Variants in TRPM3 observed in about 807,000 individuals in gnomAD.
TRPM3 encodes long transient receptor potential channel 3.
Under a neutral mutation model 181.2 loss-of-function variants are expected in TRPM3, and 77 were observed. The ratio of observed to expected loss-of-function variants is 0.42; its 90% confidence interval spans 0.35 to 0.51. The LOEUF (loss-of-function observed/expected upper bound fraction) is 0.51, where lower values mean the gene tolerates loss of function less well. Among genes scored for constraint, TRPM3 ranks in the 20% least tolerant of loss-of-function variants. The pLI, the probability that TRPM3 is intolerant of heterozygous loss-of-function variation, is 0.01. For synonymous variants in TRPM3, 745 were observed against 796.4 expected (o/e 0.94, Z 1.09); for missense variants, 1,759 against 2,196.7 (o/e 0.80, Z 3.98).
At chr9:71,166,797 T>C (rs1258673727) in intron 1 of TRPM3, among the ~76,000 whole-genome samples, 2 of 152,180 alleles carry the variant, frequency 1.3e-5, no homozygotes, top group African/African-American at 4.8e-5. Context: ...TACGTAAAAG[T>C]AAATTTAGCT....
chr9:71,043,235 C>T (rs768193482), intron 1 of TRPM3, among the ~76,000 whole-genome samples: 8 of 152,144 alleles, frequency 5.3e-5, no homozygotes, highest in Non-Finnish European at 8.8e-5. Context: ...TCAAACCTTG[C>T]TATATTCCAA....
intron 1 of TRPM3, among the ~76,000 whole-genome samples, chr9:71,041,393 T>C (rs1017964166): frequency 2.0e-4 from 31 of 152,282 alleles, no homozygotes; most frequent in African/African-American, 7.2e-4. Flanking sequence ...CTTCAAACCA[T>C]AATAACCCTC....
Position 70,757,263 on chromosome 9 carries a change from G to A in TRPM3, c.1272+4338C>T, listed in dbSNP as rs565026908. ...AATGGATAAATTCCTGGACACATAC[G>A]CCCTCCCAAGACTAAACCAGGAAGA... On this transcript the variant is annotated intron_variant, in intron 8 of 25. Transcript: ENST00000677713. 9.8e-4 allele frequency among the ~76,000 whole-genome samples: 149 copies of A among 151,870 alleles called. 1 individual carries two copies. The highest frequency in any genetic ancestry group is 3.3e-3 in the African/African-American group (135 of 41,458).
At chr9:71,073,307 C>T (rs2063018636) in intron 1 of TRPM3, among the ~76,000 whole-genome samples, 1 of 152,144 alleles carries the variant, frequency 6.6e-6, no homozygotes, top group African/African-American at 2.4e-5. Flanking sequence ...AAATTTGAGC[C>T]AAAGTCTTAC....
intron 22 of TRPM3, among the ~76,000 whole-genome samples, chr9:70,563,097 G>A (rs1158764576): frequency 6.6e-6 from 1 of 152,224 alleles, no homozygotes; most frequent in African/African-American, 2.4e-5. Context: ...AGCCCTTAAT[G>A]TTTCTGTTTC....
chr9:70,576,196 T>C (rs2053882938), intron 22 of TRPM3, among the ~76,000 whole-genome samples: 1 of 152,180 alleles, frequency 6.6e-6, no homozygotes, highest in Non-Finnish European at 1.5e-5. Context: ...ATCCAAGGTA[T>C]CACCATATCA....
At position 70,879,861 on chromosome 9, in the gene TRPM3, C is replaced by T. The variant is rs536319090; in HGVS notation, c.178-15350G>A. On this transcript the variant is annotated intron_variant, in intron 1 of 25. Transcript: ENST00000677713. The stretch of plus-strand genomic sequence containing the variant: ...TGTCATTGAATTGACTGAGTGATTA[C>T]ACTGAATCACATGTGCAATTCATGC... Among the ~76,000 whole-genome samples the T allele has an allele frequency of 3.3e-5, 5 of 152,190 alleles. No individual in the cohort carries two copies. In the South Asian group the frequency reaches 1.0e-3, roughly 32 times the overall value.
chr9:70,994,525 T>C (rs2097524430), intron 1 of TRPM3, among the ~76,000 whole-genome samples: 1 of 151,802 alleles, frequency 6.6e-6, no homozygotes, highest in South Asian at 2.1e-4. Context: ...TTTTTCAAAA[T>C]TGGAAGTTAA....
intron 22 of TRPM3, among the ~76,000 whole-genome samples, chr9:70,567,359 T>G (rs1420399039): frequency 6.6e-6 from 1 of 152,244 alleles, no homozygotes; most frequent in Non-Finnish European, 1.5e-5. Context: ...TAATCTGTAT[T>G]TTTCTTTTAT....
Position 71,160,438 on chromosome 9 carries a change from T to G in TRPM3, c.183+286215A>C, listed in dbSNP as rs544489133. Among the ~76,000 whole-genome samples, 5 of 152,296 alleles carry G rather than the reference T, an allele frequency of 3.3e-5. No homozygotes were observed. The East Asian group carries it at 9.6e-4, about 29-fold the overall frequency. ...TAAGTGCTCAATATTTGTTGAGTGT[T>G]AAATGCAAAGTAAGTTATGCCATAT... is the stretch of plus-strand genomic sequence containing the variant. On this transcript the variant is annotated intron_variant, in intron 1 of 24. Transcript: ENST00000357533.
At chr9:71,181,799 A>G (rs76286952) in intron 1 of TRPM3, among the ~76,000 whole-genome samples, 1,540 of 152,272 alleles carry the variant, frequency 0.01, 24 homozygotes, top group East Asian at 0.067. Flanking sequence ...AACAATCCTT[A>G]GACATAACTT....
Position 70,536,039 on chromosome 9 carries a change from T to A in TRPM3, c.5074A>T (p.Lys1692Ter). Reference sequence around the variant, plus strand: ...AGGCTGTCCCCTCGGCCCTCCGGCTTGGAGGACTTGCTTCTCTGGAAGGGA... The same window carrying A: ...AGGCTGTCCCCTCGGCCCTCCGGCTAGGAGGACTTGCTTCTCTGGAAGGGA... ...RNPFQRSKSS[K>*]PEGRGDSLSM... Residue 1692 changes from lysine to a stop codon, truncating the protein, a stop_gained, in exon 26 of 26, where the codon AAG becomes TAG. Transcript: ENST00000677713. LOFTEE classifies it high-confidence loss of function. 6.2e-7 allele frequency: 1 copy of A among 1,614,182 alleles called. No individual in the cohort carries two copies. Among genetic ancestry groups the A allele is most frequent in the Non-Finnish European group, 8.5e-7 (1 of 1,180,020 alleles).
At chr9:71,282,045 G>C (rs1017977262) in intron 1 of TRPM3, among the ~76,000 whole-genome samples, 2 of 138,654 alleles carry the variant, frequency 1.4e-5, no homozygotes, top group Admixed American at 1.6e-4. Context: ...TGGGCAACAA[G>C]GGCAAAACAG....
chr9:70,621,803 A>AT lies in TRPM3; in HGVS notation c.1810-531dup, dbSNP rs763481302. Among the ~76,000 whole-genome samples, 9 of 152,338 alleles carry AT rather than the reference A, an allele frequency of 5.9e-5. No individual in the cohort carries two copies. In the South Asian group the frequency reaches 1.9e-3, roughly 32 times the overall value. ...TTCCAAGAGAATTTTGGATTCGGTG[A>AT]TTTTAATGAATCTACAGAAAATGAG... On this transcript the variant is annotated intron_variant, in intron 14 of 25. Transcript: ENST00000677713.
intron 8 of TRPM3, among the ~76,000 whole-genome samples, chr9:70,754,830 T>C (rs1292547600): frequency 6.6e-6 from 1 of 152,184 alleles, no homozygotes; most frequent in Non-Finnish European, 1.5e-5. Flanking sequence ...TTGTTTTGTG[T>C]GCTATGCTAT....
At chr9:71,001,438 T>A (rs1349361583) in intron 1 of TRPM3, among the ~76,000 whole-genome samples, 2 of 152,226 alleles carry the variant, frequency 1.3e-5, no homozygotes, top group Non-Finnish European at 2.9e-5. Context: ...AATGTAACAG[T>A]GAACCTGATA....
intron 1 of TRPM3, among the ~76,000 whole-genome samples, chr9:71,271,099 A>G (rs2083754723): frequency 6.6e-6 from 1 of 152,186 alleles, no homozygotes; most frequent in African/African-American, 2.4e-5. Flanking sequence ...TTTGTTTTTT[A>G]AGCTGCTAAT....
chr9:71,317,241 T>C (rs1213049987), intron 1 of TRPM3, among the ~76,000 whole-genome samples: 1 of 152,126 alleles, frequency 6.6e-6, no homozygotes, highest in Non-Finnish European at 1.5e-5. Flanking sequence ...GAATCACAAG[T>C]ATTTGGGCCA....
At chr9:70,922,636 T>G (rs530445318) in intron 1 of TRPM3, among the ~76,000 whole-genome samples, 2 of 152,332 alleles carry the variant, frequency 1.3e-5, no homozygotes, top group South Asian at 4.1e-4. Context: ...AATCATTTCT[T>G]TCAGAACTTA....
Sources: gnomAD v4.1 joint callset for allele counts (sites outside exome capture counted in the v4.1 genomes callset) on GRCh38, gnomAD v4.1.1 for gene constraint, MANE v1.5 for transcripts, NCBI Gene and HGNC (gene_info 2026-07-23, HGNC 2026-07-21) for gene names.